The following TENM3 variants were observed in gnomAD, a reference collection of about 807,000 sequenced individuals.
TENM3 encodes teneurin transmembrane protein 3.
TENM3 carries 63 observed loss-of-function variants against 255.1 expected under a neutral mutation model. The observed-to-expected ratio is 0.25, with a 90% confidence interval of 0.20 to 0.30. The LOEUF is 0.30. Among genes scored for constraint, TENM3 ranks in the 10% least tolerant of loss-of-function variants. The pLI is 1.00. For synonymous variants in TENM3, 1,306 were observed against 1,322.3 expected, an observed-to-expected ratio of 0.99 and a Z score of 0.27; for missense variants, 2,929 against 3,461.1, an observed-to-expected ratio of 0.85 and a Z score of 3.86.
chr4:181,585,443 C>T, the TENM3 span, among the ~76,000 whole-genome samples: 2 of 152,154 alleles, frequency 1.3e-5, no homozygotes, highest in African/African-American at 4.8e-5. Flanking sequence ...AGAAAATTCA[C>T]TGAACTACTG....
chr4:182,614,705 T>TC (rs1671433655), intron 4 of TENM3, among the ~76,000 whole-genome samples: 1 of 152,272 alleles, frequency 6.6e-6, no homozygotes, highest in African/African-American at 2.4e-5. Flanking sequence ...TAATTACTCT[T>TC]TAAGTTCTCC....
chr4:182,584,575 T>A (rs1745815086), intron 3 of TENM3, among the ~76,000 whole-genome samples: 1 of 152,238 alleles, frequency 6.6e-6, no homozygotes, highest in Non-Finnish European at 1.5e-5. Context: ...GCGATTTGTC[T>A]TAAGCAAATA....
chr4:182,003,082 G>T, the TENM3 span, among the ~76,000 whole-genome samples: 1 of 151,942 alleles, frequency 6.6e-6, no homozygotes, highest in Non-Finnish European at 1.5e-5. Flanking sequence ...GGGTATTTCT[G>T]GAAATACAAA....
At chr4:181,494,871 G>A in the TENM3 span, among the ~76,000 whole-genome samples, 61 of 151,784 alleles carry the variant, frequency 4.0e-4, 1 homozygote, top group Admixed American at 2.6e-4. Flanking sequence ...TCAAGATGTC[G>A]TGAATACTTC....
At chr4:181,632,215 GGA>G in the TENM3 span, among the ~76,000 whole-genome samples, 1,354 of 152,214 alleles carry the variant, frequency 8.9e-3, 24 homozygotes, top group African/African-American at 0.031. Flanking sequence ...CATGGTGGCA[GGA>G]GAGAGAGAGT....
chr4:181,592,461 C>T, the TENM3 span, among the ~76,000 whole-genome samples: 3 of 151,606 alleles, frequency 2.0e-5, no homozygotes, highest in Admixed American at 6.6e-5. Context: ...GACAGAGGAC[C>T]GGTCGCGAAG....
chr4:181,649,812 T>A, the TENM3 span, among the ~76,000 whole-genome samples: 3 of 152,160 alleles, frequency 2.0e-5, no homozygotes, highest in Non-Finnish European at 2.9e-5. Context: ...TTTATAACAA[T>A]ATTGTCTACA....
At chr4:181,508,436 A>G in the TENM3 span, among the ~76,000 whole-genome samples, 2 of 152,236 alleles carry the variant, frequency 1.3e-5, no homozygotes, top group Non-Finnish European at 1.5e-5. Flanking sequence ...AGCAGCTGAC[A>G]TTATTGAAGT....
chr4:182,037,855 A>G, the TENM3 span, among the ~76,000 whole-genome samples: 1 of 151,984 alleles, frequency 6.6e-6, no homozygotes, highest in Non-Finnish European at 1.5e-5. Context: ...TTTTAGAGAC[A>G]GGGTCCCTCT....
At chr4:182,311,896 G>C (rs146799597) in intron 1 of TENM3, among the ~76,000 whole-genome samples, 1 of 152,296 alleles carries the variant, frequency 6.6e-6, no homozygotes, top group East Asian at 1.9e-4. Context: ...ATGGAAAGCT[G>C]TAGTTGTTTT....
At chr4:182,606,004 T>C (rs910792852) in intron 4 of TENM3, among the ~76,000 whole-genome samples, 2 of 152,150 alleles carry the variant, frequency 1.3e-5, no homozygotes, top group Non-Finnish European at 2.9e-5. Flanking sequence ...GAATAAGAAA[T>C]CAAACGAGAA....
the TENM3 span, among the ~76,000 whole-genome samples, chr4:181,819,060 A>C: frequency 6.6e-6 from 1 of 152,000 alleles, no homozygotes; most frequent in Non-Finnish European, 1.5e-5. Context: ...CTGGCTCTTC[A>C]CTTGCCCATG....
At chr4:181,908,088 G>C in the TENM3 span, among the ~76,000 whole-genome samples, 1 of 152,060 alleles carries the variant, frequency 6.6e-6, no homozygotes, top group African/African-American at 2.4e-5. Flanking sequence ...GGGAGTGCAA[G>C]TCACTGTATT....
chr4:181,806,201 A>G, the TENM3 span, among the ~76,000 whole-genome samples: 3 of 152,208 alleles, frequency 2.0e-5, no homozygotes, highest in Non-Finnish European at 2.9e-5. Flanking sequence ...CAGCTTTCTG[A>G]GCCCAGAAAT....
At chr4:182,338,942 G>C (rs17073098) in intron 2 of TENM3, among the ~76,000 whole-genome samples, 1 of 152,074 alleles carries the variant, frequency 6.6e-6, no homozygotes, top group Non-Finnish European at 1.5e-5. Flanking sequence ...GAACTGATCC[G>C]AGACTTCAAA....
At chr4:182,093,323 T>C in the TENM3 span, among the ~76,000 whole-genome samples, 44 of 152,256 alleles carry the variant, frequency 2.9e-4, no homozygotes, top group Non-Finnish European at 5.4e-4. Flanking sequence ...CTTAGAAAGA[T>C]GGTGGCAGGA....
intron 1 of TENM3, among the ~76,000 whole-genome samples, chr4:182,282,264 G>A (rs1404653770): frequency 1.3e-5 from 2 of 152,172 alleles, no homozygotes; most frequent in East Asian, 3.8e-4. Flanking sequence ...CATTAGGAGG[G>A]ATGGGCATCT....
rs1194033063 is a variant in TENM3, at chr4:182,800,078, C to T, written c.7827C>T (p.Tyr2609=). Residue 2609 remains tyrosine, a synonymous_variant, in exon 28 of 28, where the codon TAC becomes TAT. Transcript: ENST00000511685. The part of the protein sequence containing the change: ...QFGALALHVR[Y]GMTLDEEKAR... ...GCGCGCTGGCGCTGCACGTGCGCTA[C>T]GGCATGACCCTGGACGAGGAGAAGG... 2.5e-5 allele frequency: 40 copies of T among 1,599,096 alleles called. No individual in the cohort carries two copies. The highest frequency in any genetic ancestry group is 3.3e-5 in the Non-Finnish European group (39 of 1,173,244).
At chr4:181,488,709 G>GT in the TENM3 span, among the ~76,000 whole-genome samples, 1 of 151,854 alleles carries the variant, frequency 6.6e-6, no homozygotes. Context: ...CATCAGTTTG[G>GT]TTTTTTATAC....
Sources: gnomAD v4.1 joint callset for allele counts (sites outside exome capture counted in the v4.1 genomes callset) on GRCh38, gnomAD v4.1.1 for gene constraint, MANE v1.5 for transcripts, NCBI Gene and HGNC (gene_info 2026-07-23, HGNC 2026-07-21) for gene names.